The following KIAA0232 variants were observed in gnomAD, a reference collection of about 807,000 sequenced individuals.
KIAA0232 encodes the protein KIAA0232.
In KIAA0232, 27 loss-of-function variants were observed where a neutral mutation model predicts 122.0. That is an observed-to-expected ratio of 0.22 (90% CI 0.16 to 0.31). KIAA0232 has a LOEUF of 0.31. Among genes scored for constraint, KIAA0232 ranks in the 10% least tolerant of loss-of-function variants. The probability of loss-of-function intolerance (pLI) is 1.00; values close to 1 mark genes in which losing one functional copy is unlikely to be tolerated. For missense variants in KIAA0232, 1,551 were observed against 1,634.2 expected (o/e 0.95, Z 0.88); for synonymous variants, 613 against 587.6 (o/e 1.04, Z -0.63).
chr4:6,804,265 C>T (rs765967464), intron 1 of KIAA0232, among the ~76,000 whole-genome samples: 1 of 152,186 alleles, frequency 6.6e-6, no homozygotes, highest in Non-Finnish European at 1.5e-5. Flanking sequence ...CCTCCCTCCA[C>T]CAGCCCCTGG....
chr4:6,863,251 A>T lies in KIAA0232; in HGVS notation c.2869A>T (p.Ser957Cys). The T allele has an allele frequency of 6.2e-7, 1 of 1,614,086 alleles. No individual in the cohort carries two copies. The highest frequency in any genetic ancestry group is 2.2e-5 in the East Asian group (1 of 44,880). Residue 957 changes from serine (S) to cysteine (C), a missense_variant, in exon 7 of 10, where the codon AGT (serine) becomes TGT (cysteine). Physicochemically the swap from Ser to Cys is moderately radical, Grantham distance 112. Around this residue, in one of 5 missense-constraint regions of KIAA0232, gnomAD observed 1,108 missense variants for 1,154.8 expected, o/e 0.96. Coordinates refer to ENST00000307659, the MANE Select transcript of KIAA0232 (RefSeq NM_014743.3). ...CGTACCACCTAGTCACACAAAAGGA[A>T]GTCTGTTACAGTGTGCAGCTTCTGA... ...AVVPPSHTKG[S>C]LLQCAASDVV...
intron 1 of KIAA0232, among the ~76,000 whole-genome samples, chr4:6,789,617 G>A (rs1716798016): frequency 6.6e-6 from 1 of 152,122 alleles, no homozygotes; most frequent in African/African-American, 2.4e-5. Context: ...CATTAATTTT[G>A]TGACTGAGTT....
At chr4:6,876,247 C>T (rs929968261) in intron 8 of KIAA0232, among the ~76,000 whole-genome samples, 2 of 152,200 alleles carry the variant, frequency 1.3e-5, no homozygotes, top group Non-Finnish European at 2.9e-5. Context: ...GTTCCTCTGT[C>T]CTATGAACGT....
intron 9 of KIAA0232, among the ~76,000 whole-genome samples, chr4:6,878,667 C>T (rs1463230693): frequency 4.6e-5 from 7 of 152,106 alleles, no homozygotes; most frequent in East Asian, 1.9e-4. Context: ...GGTTTTTTCC[C>T]GGTGGAGTGA....
chr4:6,839,711 G>A (rs575052452), intron 3 of KIAA0232, among the ~76,000 whole-genome samples: 1 of 152,280 alleles, frequency 6.6e-6, no homozygotes, highest in South Asian at 2.1e-4. Flanking sequence ...AACAGACCCT[G>A]AAGAGACTGA....
chr4:6,835,311 C>T (rs766014977), intron 3 of KIAA0232, among the ~76,000 whole-genome samples: 16 of 151,980 alleles, frequency 1.1e-4, no homozygotes, highest in Non-Finnish European at 1.9e-4. Flanking sequence ...TCTGTTGAGC[C>T]GACTGGAGCC....
rs1438430116 is a variant in KIAA0232, at chr4:6,882,651, CGCGT to C, written c.*1689_*1692del. On this transcript the variant is annotated 3_prime_UTR_variant, in exon 10 of 10. Coordinates refer to ENST00000307659, the MANE Select transcript of KIAA0232 (RefSeq NM_014743.3). ...GTGTGTGTGTGTGTGTGTGTGTGCG[CGCGT>C]GCGCGCGCGCATGTGTAAGGTTTTA... 6.6e-6 allele frequency: 1 copy of C among 151,804 alleles called. No homozygotes were observed. Among genetic ancestry groups the C allele is most frequent in the Non-Finnish European group, 1.5e-5 (1 of 67,984 alleles). 9.4% of individuals were successfully genotyped at this position (151,804 alleles called of 1,614,324 possible).
Position 6,796,491 on chromosome 4 carries a change from C to T in KIAA0232, c.-353-8032C>T, listed in dbSNP as rs900554670. 3.9e-5 allele frequency among the ~76,000 whole-genome samples: 6 copies of T among 152,190 alleles called. No individual in the cohort carries two copies. In the East Asian group the frequency reaches 1.2e-3, roughly 29 times the overall value. On this transcript the variant is annotated intron_variant, in intron 1 of 9. Coordinates refer to ENST00000307659, the MANE Select transcript of KIAA0232 (RefSeq NM_014743.3). ...TCCTGACCTCAGGTGATCTGCCTGC[C>T]TTGGCCTCCCAAAGTGCTGGGATTG...
chr4:6,809,052 C>T (rs997426899), intron 2 of KIAA0232, among the ~76,000 whole-genome samples: 1 of 152,136 alleles, frequency 6.6e-6, no homozygotes, highest in African/African-American at 2.4e-5. Flanking sequence ...CAGTGGTATG[C>T]CCTTACATAA....
At chr4:6,816,168 A>G (rs1437914066) in intron 2 of KIAA0232, among the ~76,000 whole-genome samples, 2 of 152,070 alleles carry the variant, frequency 1.3e-5, no homozygotes, top group Non-Finnish European at 2.9e-5. Context: ...ATATCCTTGT[A>G]TCCTCTGGGT....
intron 1 of KIAA0232, among the ~76,000 whole-genome samples, chr4:6,796,326 C>T (rs150349428): frequency 7.6e-4 from 115 of 152,184 alleles, no homozygotes; most frequent in African/African-American, 2.7e-3. Context: ...ACTGCAGCCT[C>T]TGCCTCCTGG....
rs114259602 is a variant in KIAA0232, at chr4:6,798,953, G to A, written c.-353-5570G>A. Among the ~76,000 whole-genome samples the A allele has an allele frequency of 7.8e-3, 1,189 of 152,280 alleles. 8 individuals carry two copies. The highest frequency in any genetic ancestry group is 0.014 in the Non-Finnish European group (974 of 68,006). On this transcript the variant is annotated intron_variant, in intron 1 of 9. Coordinates refer to ENST00000307659, the MANE Select transcript of KIAA0232 (RefSeq NM_014743.3). ...GGTGCTGTGTTTGTTTCCTAGGGAT[G>A]CTACAACAAAGTACCCCAAACTTTG...
At chr4:6,786,753 A>G (rs1716638273) in intron 1 of KIAA0232, among the ~76,000 whole-genome samples, 1 of 152,216 alleles carries the variant, frequency 6.6e-6, no homozygotes, top group Non-Finnish European at 1.5e-5. Context: ...ATTTTATACA[A>G]AGTAAAAACT....
At chr4:6,859,191 G>A (rs1720727637) in intron 6 of KIAA0232, among the ~76,000 whole-genome samples, 2 of 151,372 alleles carry the variant, frequency 1.3e-5, no homozygotes, top group Admixed American at 1.3e-4. Context: ...GTTTACTGCA[G>A]AGGGAACATA....
intron 1 of KIAA0232, among the ~76,000 whole-genome samples, chr4:6,790,665 A>G (rs978702346): frequency 6.6e-5 from 10 of 151,560 alleles, no homozygotes; most frequent in African/African-American, 2.2e-4. Flanking sequence ...GACTGTGGGT[A>G]TGAGCCACCA....
At chr4:6,823,412 C>G (rs1162947653) in intron 2 of KIAA0232, among the ~76,000 whole-genome samples, 1 of 152,052 alleles carries the variant, frequency 6.6e-6, no homozygotes, top group Non-Finnish European at 1.5e-5. Flanking sequence ...AAGAAGTGTT[C>G]CTATTTCTCC....
chr4:6,870,148 G>C (rs1340872288), intron 7 of KIAA0232, among the ~76,000 whole-genome samples: 1 of 152,216 alleles, frequency 6.6e-6, no homozygotes, highest in African/African-American at 2.4e-5. Flanking sequence ...CACACTACAA[G>C]GACTCTTCTT....
chr4:6,839,834 G>A (rs554212813), intron 3 of KIAA0232, among the ~76,000 whole-genome samples: 5 of 152,128 alleles, frequency 3.3e-5, no homozygotes, highest in Non-Finnish European at 5.9e-5. Flanking sequence ...GGTCAGTGAG[G>A]AGGTCATCAC....
intron 7 of KIAA0232, among the ~76,000 whole-genome samples, chr4:6,867,741 A>T (rs1721260556): frequency 6.6e-6 from 1 of 152,148 alleles, no homozygotes; most frequent in African/African-American, 2.4e-5. Context: ...ATCTATGTAG[A>T]GGCTTCTGTC....
Sources: gnomAD v4.1 joint callset for allele counts (sites outside exome capture counted in the v4.1 genomes callset) on GRCh38, gnomAD v4.1.1 for gene constraint, gnomAD v4.1.1 regional missense constraint, MANE v1.5 for transcripts, NCBI Gene and HGNC (gene_info 2026-07-23, HGNC 2026-07-21) for gene names.